NRG3: variants seen among roughly 807,000 people sequenced by gnomAD.
NRG3 encodes the protein pro-neuregulin-3, membrane-bound isoform.
A neutral mutation model predicts 66.9 loss-of-function variants in NRG3; 31 were observed. That is an observed-to-expected ratio of 0.46 (90% CI 0.35 to 0.63). The LOEUF (loss-of-function observed/expected upper bound fraction) is 0.63. Ranked by LOEUF, NRG3 falls within the 20% of genes least tolerant of loss-of-function variation. The probability of loss-of-function intolerance (pLI) is 0.00; values close to 1 mark genes in which losing one functional copy is unlikely to be tolerated. For synonymous variants in NRG3, 393 were observed against 359.4 expected, an observed-to-expected ratio of 1.09 and a Z score of -1.06; for missense variants, 910 against 878.9, an observed-to-expected ratio of 1.04 and a Z score of -0.45.
chr10:82,830,294 G>C (rs1347975811), intron 3 of NRG3, among the ~76,000 whole-genome samples: 1 of 152,144 alleles, frequency 6.6e-6, no homozygotes, highest in Admixed American at 6.5e-5. Flanking sequence ...AATGGACCTA[G>C]AACTGTCCAA....
At chr10:82,776,630 T>G (rs1021667137) in intron 3 of NRG3, among the ~76,000 whole-genome samples, 72 of 152,184 alleles carry the variant, frequency 4.7e-4, no homozygotes, top group African/African-American at 1.4e-3. Flanking sequence ...TTTTTCATTT[T>G]TTTTCTCTCC....
intron 2 of NRG3, among the ~76,000 whole-genome samples, chr10:82,641,292 G>T (rs533052780): frequency 6.6e-6 from 1 of 152,022 alleles, no homozygotes; most frequent in Non-Finnish European, 1.5e-5. Context: ...AGTTTTCTAA[G>T]CTTATATTTG....
chr10:82,304,631 A>G (rs1011200436), intron 1 of NRG3, among the ~76,000 whole-genome samples: 1 of 152,054 alleles, frequency 6.6e-6, no homozygotes, highest in Admixed American at 6.5e-5. Flanking sequence ...TTGTTGGCAG[A>G]ATTCAATTCC....
At chr10:82,125,346 G>C (rs1225931003) in intron 1 of NRG3, among the ~76,000 whole-genome samples, 3 of 151,854 alleles carry the variant, frequency 2.0e-5, no homozygotes, top group Non-Finnish European at 4.4e-5. Context: ...ACCAAACTCT[G>C]CTCTTTGTTA....
intron 1 of NRG3, among the ~76,000 whole-genome samples, chr10:81,950,124 A>G (rs1433489124): frequency 6.6e-6 from 1 of 152,196 alleles, no homozygotes; most frequent in African/African-American, 2.4e-5. Context: ...ACAGATGATT[A>G]CTATTCCAAA....
chr10:82,019,573 T>G (rs1477015539), intron 1 of NRG3, among the ~76,000 whole-genome samples: 1 of 152,112 alleles, frequency 6.6e-6, no homozygotes, highest in Non-Finnish European at 1.5e-5. Context: ...GTCCTGGAAT[T>G]TTTTTGGTTG....
chr10:82,444,052 C>A (rs1185548093), intron 2 of NRG3, among the ~76,000 whole-genome samples: 3 of 152,130 alleles, frequency 2.0e-5, no homozygotes, highest in African/African-American at 7.2e-5. Flanking sequence ...TTTGGCAGTC[C>A]TTCTCCAGCA....
intron 2 of NRG3, among the ~76,000 whole-genome samples, chr10:82,552,917 G>A: frequency 6.6e-6 from 1 of 151,996 alleles, no homozygotes; most frequent in East Asian, 1.9e-4. Flanking sequence ...TTCCCATGGA[G>A]TGATCACTGA....
At chr10:82,832,341 C>T (rs1055227907) in intron 3 of NRG3, among the ~76,000 whole-genome samples, 1 of 152,126 alleles carries the variant, frequency 6.6e-6, no homozygotes, top group Non-Finnish European at 1.5e-5. Context: ...TGAAATATTT[C>T]AGATTAAATC....
At chr10:81,877,867 A>G in intron 1 of NRG3, 1 of 1,517,746 alleles carries the variant, frequency 6.6e-7, no homozygotes, top group East Asian at 2.5e-5. Context: ...AGGATTCATG[A>G]GTGTATGTGT....
intron 1 of NRG3, among the ~76,000 whole-genome samples, chr10:81,911,819 C>G (rs1407110801): frequency 6.6e-6 from 1 of 151,896 alleles, no homozygotes; most frequent in Non-Finnish European, 1.5e-5. Context: ...CAGTTAATCT[C>G]TGAATTACTT....
chr10:82,708,862 A>G (rs919473522), intron 2 of NRG3, among the ~76,000 whole-genome samples: 5 of 152,070 alleles, frequency 3.3e-5, no homozygotes, highest in African/African-American at 1.2e-4. Flanking sequence ...TGATGAGAGT[A>G]TATTTTATAT....
chr10:82,629,460 G>A (rs531878236), intron 2 of NRG3, among the ~76,000 whole-genome samples: 6 of 152,264 alleles, frequency 3.9e-5, no homozygotes, highest in South Asian at 2.1e-4. Flanking sequence ...CATTCTGGTC[G>A]GTAAGCAAGA....
chr10:81,909,519 A>T (rs1469047854), intron 1 of NRG3, among the ~76,000 whole-genome samples: 2 of 152,160 alleles, frequency 1.3e-5, no homozygotes, highest in Non-Finnish European at 2.9e-5. Context: ...ATCTCACATG[A>T]TATGTACTCA....
At chr10:82,061,922 C>A (rs545375395) in intron 1 of NRG3, among the ~76,000 whole-genome samples, 48 of 151,570 alleles carry the variant, frequency 3.2e-4, no homozygotes, top group African/African-American at 1.0e-3. Flanking sequence ...TGATACTTTA[C>A]CAGTTGATTT....
At chr10:82,601,566 G>T (rs1011942017) in intron 2 of NRG3, among the ~76,000 whole-genome samples, 1 of 151,354 alleles carries the variant, frequency 6.6e-6, no homozygotes, top group Admixed American at 6.6e-5. Flanking sequence ...ACCTCTACTG[G>T]CAATCTATTA....
At chr10:82,313,221 C>T (rs972616073) in intron 1 of NRG3, among the ~76,000 whole-genome samples, 10 of 151,960 alleles carry the variant, frequency 6.6e-5, no homozygotes, top group Non-Finnish European at 1.3e-4. Context: ...CTGGTAATCC[C>T]AGCTACCTAG....
chr10:82,899,747 T>A (rs1165574620), intron 4 of NRG3, among the ~76,000 whole-genome samples: 1 of 152,200 alleles, frequency 6.6e-6, no homozygotes, highest in East Asian at 1.9e-4. Flanking sequence ...TGTCTGCGTA[T>A]TTCAAAGTAC....
intron 1 of NRG3, among the ~76,000 whole-genome samples, chr10:81,915,065 G>T (rs1423743069): frequency 6.6e-6 from 1 of 152,138 alleles, no homozygotes; most frequent in Non-Finnish European, 1.5e-5. Flanking sequence ...CTTGCATTGG[G>T]ATAATTTATA....
Sources: gnomAD v4.1 joint callset for allele counts (sites outside exome capture counted in the v4.1 genomes callset) on GRCh38, gnomAD v4.1.1 for gene constraint, MANE v1.5 for transcripts, NCBI Gene and HGNC (gene_info 2026-07-23, HGNC 2026-07-21) for gene names.